Variants in RIC1 observed in about 807,000 individuals in gnomAD.
RIC1 encodes the protein guanine nucleotide exchange factor subunit RIC1.
Under a neutral mutation model 169.0 loss-of-function variants are expected in RIC1, and 88 were observed. The observed-to-expected ratio is 0.52, with a 90% CI of 0.44 to 0.62. The LOEUF (loss-of-function observed/expected upper bound fraction) is 0.62. Ranked by LOEUF, RIC1 falls within the 20% of genes least tolerant of loss-of-function variation. RIC1 has a pLI of 0.00. For missense variants in RIC1, 1,877 were observed against 1,725.5 expected (o/e 1.09, Z -1.56); for synonymous variants, 790 against 601.5 (o/e 1.31, Z -4.59).
chr9:5,772,488 C>T, intron 23 of RIC1, 76 bp from the exon 24 acceptor site: 4 of 1,180,126 alleles, frequency 3.4e-6, no homozygotes, highest in Admixed American at 2.5e-5. Flanking sequence ...ATCTGAGGAA[C>T]AGCTAATATT....
rs973289664 is a variant in RIC1, at chr9:5,689,993, C to T, written c.287C>T (p.Thr96Ile). The change falls in exon 3 of 26, where the codon ACA becomes ATA. Residue 96 changes from threonine to isoleucine, a missense_variant. This residue lies in a region of RIC1 where 1,104 missense variants were observed against 992.0 expected (regional missense o/e 1.11). Transcript: ENST00000414202. ...GGATACATCTTGTTTTTTCATATTA[C>T]ATCTACAAGAGGGGACAAGTACCTT... The part of the protein sequence containing the change: ...ANGYILFFHI[T>I]STRGDKYLYE... 1.3e-6 allele frequency: 2 copies of T among 1,599,920 alleles called. No individual in the cohort carries two copies. The highest frequency in any genetic ancestry group is 1.7e-6 in the Non-Finnish European group (2 of 1,175,402).
chr9:5,646,177 T>C (rs1243984172), intron 1 of RIC1, among the ~76,000 whole-genome samples: 1 of 152,220 alleles, frequency 6.6e-6, no homozygotes, highest in East Asian at 1.9e-4. Context: ...TGGTTATTAA[T>C]GTCGAGCATC....
rs1057463170 is a variant in RIC1 at position 5,765,915 on chromosome 9, T to A, written c.3137+117T>A. 3.1e-6 allele frequency: 4 copies of A among 1,292,992 alleles called. No individual in the cohort carries two copies. The South Asian group carries it at 5.9e-5, about 19-fold the overall frequency. The allele number at this position is 1,292,992 out of a possible 1,614,324, so 80.1% of individuals were successfully genotyped here. On this transcript the variant is annotated intron_variant, in intron 21 of 25. Transcript: ENST00000414202. Reference sequence around the variant, plus strand: ...CTATTTAATCCAATTGCAGTTTCTTTTTCCATTCCCAAAAAGCAGAGGCCA... The same window carrying A: ...CTATTTAATCCAATTGCAGTTTCTTATTCCATTCCCAAAAAGCAGAGGCCA...
intron 12 of RIC1, chr9:5,748,814 G>A (rs553815175): frequency 1.3e-5 from 2 of 152,530 alleles, no homozygotes; most frequent in East Asian, 3.9e-4. Flanking sequence ...CATCTATGAA[G>A]TACCCCATAT....
At chr9:5,730,263 A>G (rs1319298526) in intron 6 of RIC1, among the ~76,000 whole-genome samples, 2 of 152,142 alleles carry the variant, frequency 1.3e-5, no homozygotes, top group Admixed American at 6.6e-5. Flanking sequence ...GCTGGAGAAA[A>G]AATATATTTT....
intron 11 of RIC1, 112 bp downstream of exon 11, chr9:5,746,195 T>C: frequency 1.6e-6 from 1 of 642,412 alleles, no homozygotes; most frequent in Non-Finnish European, 2.4e-6. Context: ...TTATCTTCTT[T>C]TCTATGATTC....
At chr9:5,701,369 G>C (rs1031345992) in intron 3 of RIC1, among the ~76,000 whole-genome samples, 11 of 152,112 alleles carry the variant, frequency 7.2e-5, no homozygotes, top group Non-Finnish European at 1.5e-5. Flanking sequence ...TCAGCACTTT[G>C]GGAGGCCCAA....
chr9:5,736,255 T>G lies in RIC1; in HGVS notation c.813-2195T>G, dbSNP rs146686730. ...AGTTGATCTATTTGGGCAGGTAGTC[T>G]GGAAAGAAATCTTTTTCAGATATTT... On this transcript the variant is annotated intron_variant, in intron 7 of 25. Coordinates refer to ENST00000414202, the MANE Select transcript of RIC1 (RefSeq NM_020829.4). Among the ~76,000 whole-genome samples, 75 of 152,318 alleles carry G rather than the reference T, an allele frequency of 4.9e-4. 1 individual carries two copies. Among genetic ancestry groups the G allele is most frequent in the Middle Eastern group, 3.4e-3 (1 of 294 alleles).
chr9:5,656,535 T>G, intron 1 of RIC1, 48 bp from the exon 2 acceptor site: 12 of 820,490 alleles, frequency 1.5e-5, no homozygotes, highest in Non-Finnish European at 2.1e-5. Context: ...TGTATTTTTA[T>G]GAGATATTGA....
chr9:5,654,656 C>G (rs926918164), intron 1 of RIC1, among the ~76,000 whole-genome samples: 11 of 152,174 alleles, frequency 7.2e-5, no homozygotes, highest in Admixed American at 3.3e-4. Context: ...TCTTCTGCCT[C>G]AGCCTCCTGA....
chr9:5,691,114 A>C lies in RIC1; in HGVS notation c.332+1076A>C, dbSNP rs542907276. 4.7e-4 allele frequency among the ~76,000 whole-genome samples: 72 copies of C among 152,140 alleles called. No individual in the cohort carries two copies. In the Middle Eastern group the frequency reaches 0.014, roughly 29 times the overall value. On this transcript the variant is annotated intron_variant, in intron 3 of 25. Coordinates refer to ENST00000414202, the MANE Select transcript of RIC1 (RefSeq NM_020829.4). The stretch of plus-strand genomic sequence containing the variant: ...CTGGTTAACAAGTTAACTGTGGTAC[A>C]TCCTTCTCTTATAGTGATATGTAGT...
chr9:5,777,022 C>T (rs1182911073), downstream of RIC1, among the ~76,000 whole-genome samples: 2 of 152,028 alleles, frequency 1.3e-5, no homozygotes, highest in Middle Eastern at 3.2e-3. Context: ...CTTCTTGGCA[C>T]CAAAGCATGT....
chr9:5,737,323 A>C (rs1459814772), intron 7 of RIC1, among the ~76,000 whole-genome samples: 1 of 152,136 alleles, frequency 6.6e-6, no homozygotes. Context: ...AATTATATAT[A>C]CCATATACAC....
chr9:5,743,779 C>A (rs1157078328), intron 10 of RIC1, 42 bp downstream of exon 10: 6 of 1,446,684 alleles, frequency 4.1e-6, no homozygotes, highest in Non-Finnish European at 3.8e-6. Flanking sequence ...ATTAAAAAAA[C>A]TTGGATTTTT....
intron 3 of RIC1, among the ~76,000 whole-genome samples, chr9:5,696,857 C>CAGGTA (rs1338536583): frequency 6.6e-6 from 1 of 152,164 alleles, no homozygotes; most frequent in African/African-American, 2.4e-5. Context: ...TTTTGGGTGG[C>CAGGTA]AGGTAAGCTG....
rs753613396 is a variant in RIC1, at chr9:5,769,250, C to T, written c.3418C>T (p.Arg1140Ter). ...TTCTCCTTTCAAAAATGGAAAATAC[C>T]GAACTGGTAATGTAGACTTCATGTC... is the stretch of plus-strand genomic sequence containing the variant. Reference protein sequence around the residue: ...ISSPFKNGKYRTVGEQLLKSQ... With the variant: ...ISSPFKNGKY Residue 1140 changes from arginine to a stop codon, truncating the protein, a stop_gained, in exon 22 of 26, where the codon CGA becomes TGA. Coordinates refer to ENST00000414202, the MANE Select transcript of RIC1 (RefSeq NM_020829.4). LOFTEE classifies it high-confidence loss of function. 6.2e-7 allele frequency: 1 copy of T among 1,613,962 alleles called. No individual in the cohort carries two copies. The highest frequency in any genetic ancestry group is 8.5e-7 in the Non-Finnish European group (1 of 1,179,890).
In RIC1 at chr9:5,669,168, G is replaced by A. The variant is rs542646981; in HGVS notation, c.252+12478G>A. Among the ~76,000 whole-genome samples the A allele has an allele frequency of 3.9e-5, 6 of 152,268 alleles. No homozygotes were observed. In the East Asian group the frequency reaches 1.2e-3, roughly 29 times the overall value. On this transcript the variant is annotated intron_variant, in intron 2 of 25. Coordinates refer to ENST00000414202, the MANE Select transcript of RIC1 (RefSeq NM_020829.4). The stretch of plus-strand genomic sequence containing the variant: ...TTCTCTTTTGTTTTCTCTGTTGCCA[G>A]CCAGTCATGTAAGATTTCCTTATCC...
At chr9:5,684,602 G>C (rs1230282623) in intron 2 of RIC1, among the ~76,000 whole-genome samples, 4 of 151,960 alleles carry the variant, frequency 2.6e-5, no homozygotes. Flanking sequence ...GTGTCCAGCA[G>C]TCATACTAAA....
Position 5,774,218 on chromosome 9 carries a change from A to AT in RIC1, c.4245dup (p.Gly1416TrpfsTer31). 6.2e-7 allele frequency: 1 copy of AT among 1,612,786 alleles called. No individual in the cohort carries two copies. The highest frequency in any genetic ancestry group is 1.1e-5 in the South Asian group (1 of 90,840). On this transcript the variant is annotated frameshift_variant, in exon 26 of 26. Transcript: ENST00000414202. LOFTEE classifies it high-confidence loss of function. ...GCAGAGGAGGAAGAACCTTTTCAGGATGGGACTTACGACTGTTCTGTGTCC... is the reference window on the plus strand; with the variant it reads ...GCAGAGGAGGAAGAACCTTTTCAGGATTGGGACTTACGACTGTTCTGTGTCC...
Sources: allele counts gnomAD v4.1 joint callset (sites outside exome capture counted in the v4.1 genomes callset), GRCh38; gene constraint gnomAD v4.1.1; regional missense constraint gnomAD v4.1.1; transcripts MANE v1.5; gene names NCBI Gene and HGNC (gene_info 2026-07-23, HGNC 2026-07-21).